Variants in PPP1R12B observed in about 807,000 individuals in gnomAD.
PPP1R12B encodes the protein myosin phosphatase target subunit 2.
Under a neutral mutation model 126.1 loss-of-function variants are expected in PPP1R12B, and 76 were observed. The observed-to-expected ratio is 0.60, with a 90% confidence interval of 0.50 to 0.73. The LOEUF (loss-of-function observed/expected upper bound fraction) is 0.73. PPP1R12B is among the 30% of genes least tolerant of loss of function. The pLI is 0.00. For synonymous variants in PPP1R12B, 356 were observed against 434.7 expected (o/e 0.82, Z 2.25); for missense variants, 1,052 against 1,205.1 (o/e 0.87, Z 1.88).
At chr1:202,365,176 T>TG in intron 1 of PPP1R12B, among the ~76,000 whole-genome samples, 1 of 152,290 alleles carries the variant, frequency 6.6e-6, no homozygotes. Flanking sequence ...GTGGCCAGCT[T>TG]TAGTGGCTCA....
chr1:202,512,129 C>G (rs1234779414), intron 18 of PPP1R12B, among the ~76,000 whole-genome samples: 1 of 152,196 alleles, frequency 6.6e-6, no homozygotes, highest in Non-Finnish European at 1.5e-5. Context: ...TGACTAGGCT[C>G]TAGGATATTC....
At chr1:202,411,656 T>C (rs1272973845) in intron 1 of PPP1R12B, among the ~76,000 whole-genome samples, 3 of 151,872 alleles carry the variant, frequency 2.0e-5, no homozygotes, top group African/African-American at 7.3e-5. Context: ...AACAACAAAG[T>C]CAGGAACAAT....
chr1:202,396,667 C>T (rs543952349), intron 1 of PPP1R12B, among the ~76,000 whole-genome samples: 13 of 152,270 alleles, frequency 8.5e-5, no homozygotes, highest in South Asian at 2.1e-4. Context: ...AGTGCAGTGT[C>T]GCACTGCAAG....
intron 1 of PPP1R12B, among the ~76,000 whole-genome samples, chr1:202,396,662 A>T (rs1665025243): frequency 6.6e-6 from 1 of 152,190 alleles, no homozygotes; most frequent in Admixed American, 6.5e-5. Context: ...ACTGAAGTGC[A>T]GTGTCGCACT....
chr1:202,557,643 G>A (rs1341414457), intron 18 of PPP1R12B, among the ~76,000 whole-genome samples: 2 of 152,138 alleles, frequency 1.3e-5, no homozygotes, highest in Non-Finnish European at 2.9e-5. Flanking sequence ...AGAATCACCT[G>A]GGGTACTTTT....
At chr1:202,434,825 A>G (rs1313318596) in intron 9 of PPP1R12B, 57 bp downstream of exon 9, 90 of 1,594,764 alleles carry the variant, frequency 5.6e-5, no homozygotes, top group Non-Finnish European at 9.4e-6. Flanking sequence ...AGTAGCACAC[A>G]TCTAGAAAGG....
chr1:202,499,294 G>A (rs981655791), intron 18 of PPP1R12B, among the ~76,000 whole-genome samples: 18 of 152,026 alleles, frequency 1.2e-4, no homozygotes, highest in Non-Finnish European at 2.1e-4. Context: ...TTGCTCTTTC[G>A]CCCAGGTTGG....
intron 23 of PPP1R12B, among the ~76,000 whole-genome samples, chr1:202,572,423 G>A (rs1043321077): frequency 6.6e-6 from 1 of 152,180 alleles, no homozygotes; most frequent in Non-Finnish European, 1.5e-5. Context: ...GTGAAATGGG[G>A]GAACCATGAG....
At chr1:202,522,485 G>A (rs1682879154) in intron 18 of PPP1R12B, among the ~76,000 whole-genome samples, 1 of 151,850 alleles carries the variant, frequency 6.6e-6, no homozygotes, top group African/African-American at 2.4e-5. Flanking sequence ...TTAATCAGTA[G>A]GGGAAAGAGA....
At chr1:202,370,895 A>G (rs1463017149) in intron 1 of PPP1R12B, among the ~76,000 whole-genome samples, 1 of 151,552 alleles carries the variant, frequency 6.6e-6, no homozygotes, top group African/African-American at 2.4e-5. Context: ...TGGTTGTACC[A>G]TTTTATACTA....
Position 202,348,773 on chromosome 1 carries a change from G to C in PPP1R12B, c.-79G>C, listed in dbSNP as rs1180870002. 4 of 1,497,038 alleles carry C rather than the reference G, an allele frequency of 2.7e-6. No individual in the cohort carries two copies. The highest frequency in any genetic ancestry group is 2.5e-5 in the Admixed American group (1 of 40,542). The allele number at this position is 1,497,038 out of a possible 1,614,324, so 92.7% of individuals were successfully genotyped here. On this transcript the variant is annotated 5_prime_UTR_variant, in exon 1 of 24. Coordinates refer to ENST00000608999, the MANE Select transcript of PPP1R12B (RefSeq NM_002481.4). ...TCTGCTCCGGGCTGAAGCGCTCTGA[G>C]AGAGGCGGCAGCGGCAACTCGAGCC...
chr1:202,564,617 T>A (rs1687883775), intron 21 of PPP1R12B, 70 bp downstream of exon 21: 1 of 1,266,162 alleles, frequency 7.9e-7, no homozygotes, highest in African/African-American at 1.5e-5. Flanking sequence ...AGACTAGGGA[T>A]CTAAGGGACA....
chr1:202,577,765 A>G (rs1028894162), intron 23 of PPP1R12B, among the ~76,000 whole-genome samples: 3 of 152,094 alleles, frequency 2.0e-5, no homozygotes, highest in African/African-American at 7.2e-5. Context: ...AAGCTTTAGG[A>G]CCCCTGTAGC....
At chr1:202,470,184 C>T (rs559407613) in intron 13 of PPP1R12B, among the ~76,000 whole-genome samples, 13 of 152,320 alleles carry the variant, frequency 8.5e-5, no homozygotes, top group African/African-American at 7.2e-5. Flanking sequence ...TGCCTACTTA[C>T]GCAAGCTAGA....
intron 1 of PPP1R12B, among the ~76,000 whole-genome samples, chr1:202,351,050 C>A (rs966002491): frequency 6.6e-6 from 1 of 151,988 alleles, no homozygotes; most frequent in Non-Finnish European, 1.5e-5. Context: ...CAAGTATACT[C>A]GATTCTAGAC....
At chr1:202,431,006 G>A (rs1403595564) in intron 7 of PPP1R12B, among the ~76,000 whole-genome samples, 196 bp downstream of exon 7, 2 of 152,190 alleles carry the variant, frequency 1.3e-5, no homozygotes, top group Non-Finnish European at 2.9e-5. Flanking sequence ...AAGGATGGTT[G>A]ACTGTGTTTT....
At chr1:202,534,990 A>G (rs575492609) in intron 18 of PPP1R12B, among the ~76,000 whole-genome samples, 1 of 152,222 alleles carries the variant, frequency 6.6e-6, no homozygotes, top group Admixed American at 6.5e-5. Context: ...TTTTTGTGAT[A>G]ATGACCATGT....
At chr1:202,580,373 T>A in intron 23 of PPP1R12B, 101 bp from the exon 24 acceptor site, 1 of 799,312 alleles carries the variant, frequency 1.3e-6, no homozygotes, top group Non-Finnish European at 2.2e-6. Flanking sequence ...CCACACATTG[T>A]CTCAAAAGGC....
chr1:202,451,207 G>T, intron 13 of PPP1R12B, among the ~76,000 whole-genome samples: 1 of 149,644 alleles, frequency 6.7e-6, no homozygotes, highest in South Asian at 2.1e-4. Flanking sequence ...ATTCTTGGGT[G>T]TTCCTCGCAG....
Sources: allele counts gnomAD v4.1 joint callset (sites outside exome capture counted in the v4.1 genomes callset), GRCh38; gene constraint gnomAD v4.1.1; transcripts MANE v1.5; gene names NCBI Gene and HGNC (gene_info 2026-07-23, HGNC 2026-07-21).